Variants in HINT3 observed in about 807,000 individuals in gnomAD.
The protein encoded by HINT3 is adenosine 5'-monophosphoramidase HINT3.
In HINT3, 16 loss-of-function variants were observed where a neutral mutation model predicts 19.1. The ratio of observed to expected loss-of-function variants is 0.84; its 90% CI spans 0.57 to 1.27. The LOEUF (loss-of-function observed/expected upper bound fraction) is 1.27, where lower values mean the gene tolerates loss of function less well. Ranked by LOEUF, HINT3 falls within the 50% of genes most tolerant of loss-of-function variation. The pLI is 0.00. For missense variants in HINT3, 197 were observed against 225.8 expected (o/e 0.87, Z 0.82); for synonymous variants, 75 against 84.8 (o/e 0.88, Z 0.63).
At chr6:125,957,303 A>T (rs1339898295) in intron 1 of HINT3, 125 bp downstream of exon 1, 1 of 1,050,710 alleles carries the variant, frequency 9.5e-7, no homozygotes. Context: ...TCGCAGAGGC[A>T]GGGCCGCTCT....
At chr6:125,967,524 G>A (rs2128711361) in intron 2 of HINT3, among the ~76,000 whole-genome samples, 1 of 152,026 alleles carries the variant, frequency 6.6e-6, no homozygotes, top group East Asian at 1.9e-4. Flanking sequence ...TAGAGACGGA[G>A]TTTCACCATG....
intron 1 of HINT3, among the ~76,000 whole-genome samples, chr6:125,963,051 G>T (rs564249577): frequency 6.6e-6 from 1 of 152,142 alleles, no homozygotes; most frequent in Non-Finnish European, 1.5e-5. Flanking sequence ...TAACTTGAAC[G>T]TTGTCCCCTG....
chr6:125,961,476 C>T (rs928135595), intron 1 of HINT3, among the ~76,000 whole-genome samples: 4 of 152,182 alleles, frequency 2.6e-5, no homozygotes, highest in Admixed American at 1.3e-4. Flanking sequence ...AAGTCCAGGC[C>T]TCTGGAACTT....
chr6:125,962,183 T>C (rs1284673365), intron 1 of HINT3, among the ~76,000 whole-genome samples: 7 of 69,652 alleles, frequency 1.0e-4, no homozygotes, highest in African/African-American at 1.6e-4. Flanking sequence ...TATATATATA[T>C]ATACACATAT....
chr6:125,960,900 C>T (rs964938538), intron 1 of HINT3, among the ~76,000 whole-genome samples: 2 of 152,104 alleles, frequency 1.3e-5, no homozygotes, highest in African/African-American at 2.4e-5. Flanking sequence ...AGGTAAAGTG[C>T]ATTTTTAAAC....
rs1215139079 is a variant in HINT3, at chr6:125,979,914, C to A, written c.*2238C>A. ...GAGATCAGACGAGATCGGGCGCGTT[C>A]AGGGTGGTATGGCCGTAGACAACCT... On this transcript the variant is annotated 3_prime_UTR_variant, in exon 5 of 5. Transcript: ENST00000229633. The A allele has an allele frequency of 6.6e-6, 1 of 152,308 alleles. No individual in the cohort carries two copies. The highest frequency in any genetic ancestry group is 2.4e-5 in the African/African-American group (1 of 41,436). The allele number at this position is 152,308 out of a possible 1,614,324, so 9.4% of individuals were successfully genotyped here. A position where few individuals can be genotyped will look rare whatever the true frequency, so the allele number is the denominator to read the frequency against.
intron 1 of HINT3, among the ~76,000 whole-genome samples, chr6:125,959,066 A>G (rs1030157583): frequency 1.3e-5 from 2 of 152,178 alleles, no homozygotes; most frequent in Admixed American, 1.3e-4. Context: ...TAGCAAAGCG[A>G]TGAGTTGAGC....
At position 125,957,176 on chromosome 6, in the gene HINT3, G is replaced by T. The variant is rs1459097829; in HGVS notation, c.199G>T (p.Glu67Ter). 4.5e-6 allele frequency: 7 copies of T among 1,543,318 alleles called. No individual in the cohort carries two copies. The highest frequency in any genetic ancestry group is 2.0e-5 in the Admixed American group (1 of 50,832). ...QDPGTELLHC[E>*]NEDLICFKDI... ...CCCGGGCACCGAACTCCTGCACTGCGAGGTGGGCGGCGACGCGCGGCCGGG... is the reference window on the plus strand; with the variant it reads ...CCCGGGCACCGAACTCCTGCACTGCTAGGTGGGCGGCGACGCGCGGCCGGG... The change falls in exon 1 of 5, where the codon GAG becomes TAG. Residue 67 changes from glutamate to a stop codon, truncating the protein, a stop_gained and splice_region_variant. Coordinates refer to ENST00000229633, the MANE Select transcript of HINT3 (RefSeq NM_138571.5). LOFTEE classifies it high-confidence loss of function.
intron 1 of HINT3, among the ~76,000 whole-genome samples, chr6:125,961,314 C>G (rs1378918053): frequency 6.6e-6 from 1 of 152,148 alleles, no homozygotes; most frequent in Non-Finnish European, 1.5e-5. Context: ...TGGAGGTTTT[C>G]CCCCACACAC....
chr6:125,967,597 G>T (rs1223517031), intron 2 of HINT3, among the ~76,000 whole-genome samples: 1 of 152,128 alleles, frequency 6.6e-6, no homozygotes, highest in African/African-American at 2.4e-5. Context: ...CTCCCAAAGT[G>T]CTGGGATTAC....
intron 2 of HINT3, 30 bp from the exon 3 acceptor site, chr6:125,972,229 G>C (rs1405963476): frequency 7.0e-7 from 1 of 1,428,012 alleles, no homozygotes; most frequent in African/African-American, 1.4e-5. Context: ...GTCTCCTCTA[G>C]TGTAATGTTG....
Position 125,962,163 on chromosome 6 carries a change from CATATATAT to C in HINT3, c.202-4708_202-4701del, listed in dbSNP as rs1164333774. 1.3e-3 allele frequency among the ~76,000 whole-genome samples: 15 copies of C among 11,266 alleles called. No individual in the cohort carries two copies. In the Admixed American group the frequency reaches 0.015, roughly 11 times the overall value. The allele number at this position is 11,266 out of a possible 152,430, so 7.4% of individuals were successfully genotyped here. On this transcript the variant is annotated intron_variant, in intron 1 of 4. Transcript: ENST00000229633. Reference sequence around the variant, plus strand: ...GGATGGAAACCCATATATATATACACATATATATATATATATATATATACACATATATA... The same window carrying C: ...GGATGGAAACCCATATATATATACACATATATATATATATACACATATATA...
chr6:125,963,063 T>C (rs1473483655), intron 1 of HINT3, among the ~76,000 whole-genome samples: 2 of 152,320 alleles, frequency 1.3e-5, no homozygotes, highest in East Asian at 3.9e-4. Context: ...TGTCCCCTGT[T>C]GGAAGATGGT....
chr6:125,959,326 C>T (rs571205090), intron 1 of HINT3, among the ~76,000 whole-genome samples: 1 of 151,978 alleles, frequency 6.6e-6, no homozygotes, highest in South Asian at 2.1e-4. Context: ...AGGAAGAGGA[C>T]CTGGAAAGGG....
chr6:125,966,757 C>T (rs1408961406), intron 1 of HINT3, 130 bp from the exon 2 acceptor site: 1 of 539,558 alleles, frequency 1.9e-6, no homozygotes, highest in Non-Finnish European at 3.2e-6. Context: ...TATAAAATTG[C>T]CCAGTGGGGG....
intron 4 of HINT3, among the ~76,000 whole-genome samples, chr6:125,976,968 C>T (rs181704103): frequency 1.4e-4 from 21 of 152,214 alleles, no homozygotes; most frequent in South Asian, 2.1e-4. Context: ...AGAGTTCCCA[C>T]GCACCCCCTA....
intron 2 of HINT3, 141 bp from the exon 3 acceptor site, chr6:125,972,118 A>G (rs1789110005): frequency 3.4e-6 from 2 of 582,636 alleles, no homozygotes; most frequent in Non-Finnish European, 6.0e-6. Context: ...AAGTGTTGGG[A>G]TTACAGGGGT....
At chr6:125,964,706 A>G (rs1044252200) in intron 1 of HINT3, among the ~76,000 whole-genome samples, 2 of 150,834 alleles carry the variant, frequency 1.3e-5, no homozygotes, top group African/African-American at 4.9e-5. Context: ...GTCTTTTGCT[A>G]TCATGAATAA....
In HINT3 at chr6:125,973,321, C is replaced by T. The variant is rs181640217; in HGVS notation, c.389+993C>T. On this transcript the variant is annotated intron_variant, in intron 3 of 4. Transcript: ENST00000229633. The stretch of plus-strand genomic sequence containing the variant: ...CTCGAACTCCTGACATCAAGTGATC[C>T]GCCCGCCTTGGCCTCTCAAAATGCT... Among the ~76,000 whole-genome samples, 23 of 152,078 alleles carry T rather than the reference C, an allele frequency of 1.5e-4. 1 individual carries two copies. In the Middle Eastern group the frequency reaches 0.01, roughly 67 times the overall value.
Sources: allele counts gnomAD v4.1 joint callset (sites outside exome capture counted in the v4.1 genomes callset), GRCh38; gene constraint gnomAD v4.1.1; transcripts MANE v1.5; gene names NCBI Gene and HGNC (gene_info 2026-07-23, HGNC 2026-07-21).